The following MIPOL1 variants were observed in gnomAD, a reference collection of about 807,000 sequenced individuals.
MIPOL1 encodes the protein mirror-image polydactyly gene 1 protein.
In MIPOL1, 57 loss-of-function variants were observed where a neutral mutation model predicts 60.9. The ratio of observed to expected loss-of-function variants is 0.94; its 90% confidence interval spans 0.76 to 1.17. The LOEUF (loss-of-function observed/expected upper bound fraction) is 1.17, where lower values mean the gene tolerates loss of function less well. MIPOL1 is among the 50% of genes most tolerant of loss of function. The pLI is 0.00. For synonymous variants in MIPOL1, 179 were observed against 168.8 expected, an observed-to-expected ratio of 1.06 and a Z score of -0.47; for missense variants, 551 against 511.6, an observed-to-expected ratio of 1.08 and a Z score of -0.74.
chr14:37,479,460 A>G (rs2094828233), intron 11 of MIPOL1, among the ~76,000 whole-genome samples: 1 of 152,190 alleles, frequency 6.6e-6, no homozygotes, highest in African/African-American at 2.4e-5. Context: ...TATTGAAGAA[A>G]TTAAAAGAAA....
intron 12 of MIPOL1, among the ~76,000 whole-genome samples, chr14:37,527,099 T>C (rs2153634430): frequency 6.6e-6 from 1 of 152,206 alleles, no homozygotes; most frequent in East Asian, 1.9e-4. Context: ...CATTTTTGTG[T>C]TGGACAAAAA....
intron 9 of MIPOL1, among the ~76,000 whole-genome samples, chr14:37,363,998 T>C (rs1037094493): frequency 5.3e-5 from 8 of 152,136 alleles, no homozygotes; most frequent in African/African-American, 1.9e-4. Flanking sequence ...AAAAGCACAG[T>C]ATTTGGGCCG....
At chr14:37,374,419 T>A (rs926483628) in intron 10 of MIPOL1, among the ~76,000 whole-genome samples, 1 of 152,194 alleles carries the variant, frequency 6.6e-6, no homozygotes, top group Non-Finnish European at 1.5e-5. Flanking sequence ...TTGACTTTTG[T>A]TGCCATTGCT....
chr14:37,469,936 G>A (rs1206284707), intron 11 of MIPOL1, among the ~76,000 whole-genome samples: 2 of 152,116 alleles, frequency 1.3e-5, no homozygotes, highest in Admixed American at 6.6e-5. Context: ...TTCTGTTATA[G>A]CCACAGAAAA....
intron 10 of MIPOL1, among the ~76,000 whole-genome samples, chr14:37,386,990 A>G (rs1451667174): frequency 1.3e-5 from 2 of 151,984 alleles, no homozygotes; most frequent in East Asian, 3.9e-4. Context: ...TATTATACCT[A>G]TTATCTCAAA....
At chr14:37,314,515 G>A (rs2087672436) in intron 9 of MIPOL1, among the ~76,000 whole-genome samples, 1 of 152,090 alleles carries the variant, frequency 6.6e-6, no homozygotes, top group Non-Finnish European at 1.5e-5. Context: ...CTTTAAGCCT[G>A]TTTTTCCCTC....
chr14:37,316,992 C>T (rs1486033232), intron 9 of MIPOL1, among the ~76,000 whole-genome samples: 2 of 151,952 alleles, frequency 1.3e-5, no homozygotes, highest in East Asian at 3.9e-4. Context: ...AACAAACAAA[C>T]AAACAAACAA....
At position 37,269,859 on chromosome 14, in the gene MIPOL1, C is replaced by T. The variant is rs543924681; in HGVS notation, c.388-561C>T. 3.3e-5 allele frequency among the ~76,000 whole-genome samples: 5 copies of T among 152,106 alleles called. No individual in the cohort carries two copies. The South Asian group carries it at 6.2e-4, about 19-fold the overall frequency. Reference sequence around the variant, plus strand: ...TTATTTTTTTTGAGATGGAGTTTCACTCTTGTTGCCCAGGCTGGAGTTCAA... The same window carrying T: ...TTATTTTTTTTGAGATGGAGTTTCATTCTTGTTGCCCAGGCTGGAGTTCAA... On this transcript the variant is annotated intron_variant, in intron 5 of 12. Coordinates refer to ENST00000684589, the MANE Select transcript of MIPOL1 (RefSeq NM_001388067.1).
At chr14:37,334,674 A>G (rs775146351) in intron 9 of MIPOL1, among the ~76,000 whole-genome samples, 2 of 151,842 alleles carry the variant, frequency 1.3e-5, no homozygotes, top group Non-Finnish European at 2.9e-5. Flanking sequence ...ATTTCCCCCA[A>G]ATTTATTTCC....
At chr14:37,380,734 T>C (rs936499774) in intron 10 of MIPOL1, among the ~76,000 whole-genome samples, 3 of 152,336 alleles carry the variant, frequency 2.0e-5, no homozygotes, top group East Asian at 1.9e-4. Flanking sequence ...TTTGATACTT[T>C]ATTTTGATAA....
intron 1 of MIPOL1, among the ~76,000 whole-genome samples, chr14:37,228,329 T>TC (rs1390687068): frequency 5.4e-5 from 8 of 149,506 alleles, no homozygotes; most frequent in East Asian, 1.9e-4. Context: ...TCTTTTCTTT[T>TC]TTTTTTTTTT....
At chr14:37,249,919 C>T (rs1008063179) in intron 3 of MIPOL1, among the ~76,000 whole-genome samples, 7 of 152,032 alleles carry the variant, frequency 4.6e-5, no homozygotes, top group Admixed American at 1.3e-4. Context: ...AGAGACCAAA[C>T]GATCTTTAAG....
intron 7 of MIPOL1, among the ~76,000 whole-genome samples, chr14:37,294,848 G>A (rs144907468): frequency 1.3e-5 from 2 of 151,972 alleles, no homozygotes; most frequent in African/African-American, 2.4e-5. Flanking sequence ...TGAAAGTGAC[G>A]GGGAGAATGG....
intron 10 of MIPOL1, among the ~76,000 whole-genome samples, chr14:37,397,563 T>A (rs545344366): frequency 1.3e-3 from 199 of 152,146 alleles, no homozygotes; most frequent in African/African-American, 4.6e-3. Context: ...CAAGAGTACA[T>A]GTATGCCCTT....
intron 10 of MIPOL1, among the ~76,000 whole-genome samples, chr14:37,398,500 A>G (rs1443676868): frequency 6.6e-6 from 1 of 152,166 alleles, no homozygotes; most frequent in Non-Finnish European, 1.5e-5. Context: ...CCCATCTGCC[A>G]TGATGATCTC....
At chr14:37,225,941 T>C (rs1193334627) in intron 1 of MIPOL1, among the ~76,000 whole-genome samples, 3 of 152,144 alleles carry the variant, frequency 2.0e-5, no homozygotes, top group Non-Finnish European at 4.4e-5. Context: ...CTCTCTCAAG[T>C]TCAAAGTTCC....
intron 11 of MIPOL1, among the ~76,000 whole-genome samples, chr14:37,449,995 T>C (rs529491282): frequency 1.3e-3 from 194 of 152,210 alleles, no homozygotes; most frequent in African/African-American, 4.3e-3. Context: ...GTATTTTTAG[T>C]AGAGACAGGG....
At chr14:37,543,791 A>G (rs972537603) in intron 12 of MIPOL1, among the ~76,000 whole-genome samples, 3 of 152,216 alleles carry the variant, frequency 2.0e-5, no homozygotes, top group Admixed American at 6.5e-5. Flanking sequence ...TAAAATGCAA[A>G]TGATGTTACT....
rs755083902 is a variant in MIPOL1, at chr14:37,500,106, G to T, written c.1230G>T (p.Glu410Asp). The change falls in exon 12 of 13, where the codon GAG becomes GAT. Residue 410 changes from glutamate (E) to aspartate (D), a missense_variant. Coordinates refer to ENST00000684589, the MANE Select transcript of MIPOL1 (RefSeq NM_001388067.1). ...AATTACAACTTCAACATGCCAGAGA[G>T]GCCTCCCAAGTGGCCAATGAAAAAG... Reference protein sequence around the residue: ...NMELQLQHAREASQVANEKVQ... With the variant: ...NMELQLQHARDASQVANEKVQ... 6.2e-7 allele frequency: 1 copy of T among 1,611,882 alleles called. No individual in the cohort carries two copies. The highest frequency in any genetic ancestry group is 1.7e-5 in the Admixed American group (1 of 59,566).
Sources: allele counts gnomAD v4.1 joint callset (sites outside exome capture counted in the v4.1 genomes callset), GRCh38; gene constraint gnomAD v4.1.1; transcripts MANE v1.5; gene names NCBI Gene and HGNC (gene_info 2026-07-23, HGNC 2026-07-21).